ATL1: variants seen among roughly 807,000 people sequenced by gnomAD.
ATL1 encodes atlastin GTPase 1.
Under a neutral mutation model 75.5 loss-of-function variants are expected in ATL1, and 31 were observed. The observed-to-expected ratio is 0.41, with a 90% CI of 0.31 to 0.55. The LOEUF (loss-of-function observed/expected upper bound fraction) is 0.55, where lower values mean the gene tolerates loss of function less well. Ranked by LOEUF, ATL1 falls within the 20% of genes least tolerant of loss-of-function variation. The probability of loss-of-function intolerance (pLI) is 0.27; values close to 1 mark genes in which losing one functional copy is unlikely to be tolerated. For synonymous variants in ATL1, 226 were observed against 233.3 expected (o/e 0.97, Z 0.28); for missense variants, 405 against 662.6 (o/e 0.61, Z 4.27).
intron 6 of ATL1, among the ~76,000 whole-genome samples, chr14:50,608,016 A>G (rs1426456906): frequency 6.6e-6 from 1 of 152,102 alleles, no homozygotes; most frequent in East Asian, 1.9e-4. Context: ...CGCTAATAAA[A>G]TTTGTCATGA....
At chr14:50,575,398 G>A (rs1304345786) in intron 1 of ATL1, among the ~76,000 whole-genome samples, 1 of 152,132 alleles carries the variant, frequency 6.6e-6, no homozygotes, top group Admixed American at 6.5e-5. Flanking sequence ...GTACGGAAGT[G>A]TTTTGAGATC....
chr14:50,630,709 T>C (rs17122708), intron 13 of ATL1, among the ~76,000 whole-genome samples: 5,184 of 152,292 alleles, frequency 0.034, 281 homozygotes, highest in African/African-American at 0.12. Context: ...GGCATATAAT[T>C]GGATTATGTC....
intron 12 of ATL1, among the ~76,000 whole-genome samples, chr14:50,628,778 G>A (rs369239153): frequency 2.6e-5 from 4 of 152,172 alleles, no homozygotes; most frequent in East Asian, 3.9e-4. Context: ...GTGCAGTGGC[G>A]TGATCTCAGC....
chr14:50,605,729 G>T (rs1485864403), intron 6 of ATL1, among the ~76,000 whole-genome samples: 2 of 151,806 alleles, frequency 1.3e-5, no homozygotes, highest in African/African-American at 2.4e-5. Flanking sequence ...GTATTCTCCT[G>T]GTCTTTCTTA....
At chr14:50,588,377 AT>A (rs1018439912) in intron 2 of ATL1, among the ~76,000 whole-genome samples, 3 of 152,206 alleles carry the variant, frequency 2.0e-5, no homozygotes, top group Non-Finnish European at 4.4e-5. Context: ...AGTGTTTAAA[AT>A]GTCACATAAT....
intron 2 of ATL1, among the ~76,000 whole-genome samples, chr14:50,588,773 A>G (rs1384465912): frequency 6.6e-6 from 1 of 152,184 alleles, no homozygotes; most frequent in African/African-American, 2.4e-5. Flanking sequence ...TTGTCCTTCA[A>G]GGTTATTTTT....
intron 11 of ATL1, among the ~76,000 whole-genome samples, chr14:50,624,095 GAAGTCTT>G (rs1201988841): frequency 6.6e-6 from 1 of 152,040 alleles, no homozygotes; most frequent in Non-Finnish European, 1.5e-5. Context: ...CGTTCAAATT[GAAGTCTT>G]AGAATGAAGG....
At chr14:50,573,229 A>G (rs936255975) in intron 1 of ATL1, among the ~76,000 whole-genome samples, 21 of 152,364 alleles carry the variant, frequency 1.4e-4, no homozygotes, top group African/African-American at 5.0e-4. Flanking sequence ...CCATGAATAT[A>G]GAAAAAGTAT....
Position 50,538,728 on chromosome 14 carries a change from A to G in ATL1, c.-140+5361A>G, listed in dbSNP as rs572297371. ...TCCTTTTCTTTGTCTCTGCAGAGCAAGGATAATAATGGCTTTCCACTGTTG... is the reference window on the plus strand; with the variant it reads ...TCCTTTTCTTTGTCTCTGCAGAGCAGGGATAATAATGGCTTTCCACTGTTG... On this transcript the variant is annotated intron_variant, in intron 1 of 13. Transcript: ENST00000441560. 3.9e-5 allele frequency among the ~76,000 whole-genome samples: 6 copies of G among 152,366 alleles called. No individual in the cohort carries two copies. The East Asian group carries it at 1.2e-3, about 29-fold the overall frequency.
At chr14:50,628,704 G>A in intron 12 of ATL1, 2 of 637,134 alleles carry the variant, frequency 3.1e-6, no homozygotes, top group Non-Finnish European at 5.8e-6. Flanking sequence ...CAGTTTAGTA[G>A]TATATATACT....
chr14:50,621,493 G>A (rs957515046), intron 9 of ATL1, among the ~76,000 whole-genome samples: 2 of 152,152 alleles, frequency 1.3e-5, no homozygotes, highest in Non-Finnish European at 2.9e-5. Flanking sequence ...ACCTTCACAA[G>A]GGTCTGTTCC....
At chr14:50,556,327 C>A (rs1158240733), upstream of ATL1, among the ~76,000 whole-genome samples, 1 of 152,122 alleles carries the variant, frequency 6.6e-6, no homozygotes, top group Non-Finnish European at 1.5e-5. Flanking sequence ...GGGATCCTCC[C>A]ACCTCAGCCT....
chr14:50,611,489 A>G (rs2039365819), intron 6 of ATL1, among the ~76,000 whole-genome samples: 2 of 152,184 alleles, frequency 1.3e-5, no homozygotes, highest in Admixed American at 6.6e-5. Flanking sequence ...TGTAAAACGT[A>G]GAAGGAAGGG....
chr14:50,629,764 A>G (rs987219966), intron 12 of ATL1, among the ~76,000 whole-genome samples: 1 of 152,162 alleles, frequency 6.6e-6, no homozygotes, highest in Non-Finnish European at 1.5e-5. Context: ...AGAGGGGTTG[A>G]GGTCAATGTC....
chr14:50,583,233 G>A (rs983124748), intron 1 of ATL1, among the ~76,000 whole-genome samples: 70 of 152,112 alleles, frequency 4.6e-4, no homozygotes, highest in African/African-American at 1.7e-3. Context: ...TGTCTAATAA[G>A]TTAAGAAAAA....
intron 1 of ATL1, among the ~76,000 whole-genome samples, chr14:50,536,789 G>A (rs1384573934): frequency 6.6e-6 from 1 of 152,222 alleles, no homozygotes; most frequent in Non-Finnish European, 1.5e-5. Flanking sequence ...TTGAACTTGA[G>A]AGAGAAGATT....
intron 8 of ATL1, among the ~76,000 whole-genome samples, chr14:50,620,002 G>A (rs924568645): frequency 6.6e-6 from 1 of 152,208 alleles, no homozygotes; most frequent in African/African-American, 2.4e-5. Flanking sequence ...GCTCATGCCT[G>A]TAATCCCAGC....
At chr14:50,627,182 C>T (rs1289655477) in intron 11 of ATL1, among the ~76,000 whole-genome samples, 1 of 152,248 alleles carries the variant, frequency 6.6e-6, no homozygotes, top group Non-Finnish European at 1.5e-5. Context: ...AGGCAAGAGC[C>T]TCCACCAGCA....
At chr14:50,552,784 ATGG>A (rs2038718951) in intron 1 of ATL1, among the ~76,000 whole-genome samples, 2 of 152,202 alleles carry the variant, frequency 1.3e-5, no homozygotes, top group African/African-American at 4.8e-5. Context: ...TATTCAATAA[ATGG>A]TGCTGGGATA....
Sources: gnomAD v4.1 joint callset for allele counts (sites outside exome capture counted in the v4.1 genomes callset) on GRCh38, gnomAD v4.1.1 for gene constraint, MANE v1.5 for transcripts, NCBI Gene and HGNC (gene_info 2026-07-23, HGNC 2026-07-21) for gene names.